Variants in PXDN observed in about 807,000 individuals in gnomAD.
PXDN encodes peroxidasin homolog.
In PXDN, 77 loss-of-function variants were observed where a neutral mutation model predicts 140.3. The ratio of observed to expected loss-of-function variants is 0.55; its 90% CI spans 0.46 to 0.66. The LOEUF is 0.66. Ranked by LOEUF, PXDN falls within the 30% of genes least tolerant of loss-of-function variation. The probability of loss-of-function intolerance (pLI) is 0.00; values close to 1 mark genes in which losing one functional copy is unlikely to be tolerated. For synonymous variants in PXDN, 911 were observed against 857.4 expected, an observed-to-expected ratio of 1.06 and a Z score of -1.09; for missense variants, 1,838 against 2,039.5, an observed-to-expected ratio of 0.90 and a Z score of 1.90.
chr2:1,731,909 G>C (rs1277224122), intron 1 of PXDN, among the ~76,000 whole-genome samples: 1 of 152,146 alleles, frequency 6.6e-6, no homozygotes, highest in East Asian at 1.9e-4. Context: ...AGAACACCAG[G>C]ATTGAGTCAT....
At position 1,728,230 on chromosome 2, in the gene PXDN, A is replaced by G. The variant is rs1365835997; in HGVS notation, c.200+16026T>C. On this transcript the variant is annotated intron_variant, in intron 1 of 22. Coordinates refer to ENST00000252804, the MANE Select transcript of PXDN (RefSeq NM_012293.3). The stretch of plus-strand genomic sequence containing the variant: ...TGGGATTACAAGCGTGAGCCACTGC[A>G]CCCAGCCAACTGTCCTGTTCTCAAC... Among the ~76,000 whole-genome samples, 7 of 152,256 alleles carry G rather than the reference A, an allele frequency of 4.6e-5. No homozygotes were observed. The East Asian group carries it at 1.2e-3, about 25-fold the overall frequency.
chr2:1,693,469 G>A (rs1394040231), intron 1 of PXDN, among the ~76,000 whole-genome samples: 1 of 152,244 alleles, frequency 6.6e-6, no homozygotes, highest in Non-Finnish European at 1.5e-5. Context: ...TAGGTTTGAT[G>A]ACATTCAAGA....
intron 1 of PXDN, among the ~76,000 whole-genome samples, chr2:1,727,993 T>G (rs1484329730): frequency 6.6e-6 from 1 of 152,178 alleles, no homozygotes; most frequent in Non-Finnish European, 1.5e-5. Context: ...TTGAGTGCAG[T>G]GATGCAATCA....
At chr2:1,726,287 A>C (rs1319552116) in intron 1 of PXDN, among the ~76,000 whole-genome samples, 1 of 151,756 alleles carries the variant, frequency 6.6e-6, no homozygotes, top group African/African-American at 2.4e-5. Flanking sequence ...AGGGACATGG[A>C]TGAAATTGGA....
chr2:1,691,371 T>C (rs111662727), intron 3 of PXDN, among the ~76,000 whole-genome samples: 3 of 152,302 alleles, frequency 2.0e-5, no homozygotes, highest in African/African-American at 4.8e-5. Flanking sequence ...GCAGAAGATA[T>C]GTTAAATGAA....
In PXDN at chr2:1,664,651, C is replaced by T. The variant is rs187873499; in HGVS notation, c.1408+307G>A. On this transcript the variant is annotated intron_variant, in intron 11 of 22. Coordinates refer to ENST00000252804, the MANE Select transcript of PXDN (RefSeq NM_012293.3). ...TTCAAGAGGCTACTTAAAAGCACAT[C>T]CTAGAGACTATCTGAAACAAGGCAG... 1.7e-4 allele frequency: 58 copies of T among 341,150 alleles called. 1 individual carries two copies. In the East Asian group the frequency reaches 2.8e-3, roughly 16 times the overall value. 21.1% of individuals were successfully genotyped at this position (341,150 alleles called of 1,614,324 possible). A position where few individuals can be genotyped will look rare whatever the true frequency, so the allele number is the denominator to read the frequency against.
chr2:1,649,784 C>T lies in PXDN; in HGVS notation c.2105-109G>A. On this transcript the variant is annotated intron_variant, in intron 16 of 22. Coordinates refer to ENST00000252804, the MANE Select transcript of PXDN (RefSeq NM_012293.3). The surrounding 1 kb of genome is among the most constrained non-coding windows in gnomAD (Gnocchi z 7.1). ...GACATGGGGCTATCTACCCCCAGCTCATGAAACCTGTTGTGCGCCATGCAA... is the reference window on the plus strand; with the variant it reads ...GACATGGGGCTATCTACCCCCAGCTTATGAAACCTGTTGTGCGCCATGCAA... 1 of 1,279,794 alleles carries T rather than the reference C, an allele frequency of 7.8e-7. No homozygotes were observed. Among genetic ancestry groups the T allele is most frequent in the East Asian group, 2.4e-5 (1 of 41,310 alleles). 79.3% of individuals were successfully genotyped at this position (1,279,794 alleles called of 1,614,324 possible). A position where few individuals can be genotyped will look rare whatever the true frequency, so the allele number is the denominator to read the frequency against.
intron 1 of PXDN, among the ~76,000 whole-genome samples, chr2:1,701,283 T>C (rs773102172): frequency 4.6e-5 from 7 of 152,220 alleles, no homozygotes; most frequent in Non-Finnish European, 8.8e-5. Context: ...AGTACATCCA[T>C]GCACTTGGGG....
chr2:1,700,286 T>G (rs1684394314), intron 1 of PXDN, among the ~76,000 whole-genome samples: 1 of 152,140 alleles, frequency 6.6e-6, no homozygotes, highest in African/African-American at 2.4e-5. Flanking sequence ...GGTCTCCAAC[T>G]CCTGACCTCA....
At chr2:1,680,111 G>A (rs1683854688) in intron 7 of PXDN, 82 bp downstream of exon 7, 2 of 1,433,514 alleles carry the variant, frequency 1.4e-6, no homozygotes, top group South Asian at 1.4e-5. Flanking sequence ...TGGATGTTGT[G>A]TGTGTAGATG....
At chr2:1,696,257 A>G (rs1345239183) in intron 1 of PXDN, among the ~76,000 whole-genome samples, 1 of 152,240 alleles carries the variant, frequency 6.6e-6, no homozygotes. Flanking sequence ...TAAATGACAT[A>G]AGTAGTTCTC....
intron 13 of PXDN, among the ~76,000 whole-genome samples, chr2:1,661,536 GGGATGCAGGTGGA>G (rs6146592): frequency 0.25 from 38,459 of 152,016 alleles, 5,122 homozygotes; most frequent in South Asian, 0.37. Context: ...GGGCAGTGCA[GGGATGCAGGTGGA>G]GGATGGGACC....
intron 17 of PXDN, among the ~76,000 whole-genome samples, chr2:1,646,599 T>G (rs1299435479): frequency 6.6e-6 from 1 of 152,222 alleles, no homozygotes; most frequent in Non-Finnish European, 1.5e-5. Context: ...GACATCATGT[T>G]CATTTAGTCA....
intron 1 of PXDN, among the ~76,000 whole-genome samples, chr2:1,741,376 C>T (rs1685539578): frequency 6.6e-6 from 1 of 152,136 alleles, no homozygotes; most frequent in South Asian, 2.1e-4. Flanking sequence ...AGAGGGGAGG[C>T]GCTCTGCAGG....
intron 18 of PXDN, 34 bp downstream of exon 18, chr2:1,644,584 G>A: frequency 6.4e-7 from 1 of 1,559,664 alleles, no homozygotes; most frequent in Non-Finnish European, 8.7e-7. Flanking sequence ...AGGTGGCTTA[G>A]GAGCGTGCTC....
intron 2 of PXDN, among the ~76,000 whole-genome samples, chr2:1,692,831 G>C (rs961414858): frequency 6.6e-6 from 1 of 152,174 alleles, no homozygotes; most frequent in Non-Finnish European, 1.5e-5. Flanking sequence ...CGGTCAGCAT[G>C]GGTCCCAATC....
At position 1,663,873 on chromosome 2, in the gene PXDN, G is replaced by A. The variant is rs564951670; in HGVS notation, c.1409-110C>T. On this transcript the variant is annotated intron_variant, in intron 11 of 22. Coordinates refer to ENST00000252804, the MANE Select transcript of PXDN (RefSeq NM_012293.3). Reference sequence around the variant, plus strand: ...TTGTCTCCACCTGGGTCGGGGCGCCGGATAATTTGGCCTGGCCCTGCATAA... The same window carrying A: ...TTGTCTCCACCTGGGTCGGGGCGCCAGATAATTTGGCCTGGCCCTGCATAA... The A allele has an allele frequency of 6.7e-5, 94 of 1,408,636 alleles. 1 individual carries two copies. The highest frequency in any genetic ancestry group is 2.8e-4 in the African/African-American group (20 of 70,792). 87.3% of individuals were successfully genotyped at this position (1,408,636 alleles called of 1,614,324 possible). A position where few individuals can be genotyped will look rare whatever the true frequency, so the allele number is the denominator to read the frequency against.
At chr2:1,658,027 GC>G (rs1683192184) in intron 14 of PXDN, among the ~76,000 whole-genome samples, 2 of 4,896 alleles carry the variant, frequency 4.1e-4, no homozygotes, top group African/African-American at 5.6e-4. Context: ...TCAGCTGTGG[GC>G]TCTCTCTCTC....
chr2:1,731,152 G>GCGCGCA (rs1553371240), intron 1 of PXDN, among the ~76,000 whole-genome samples: 20 of 135,968 alleles, frequency 1.5e-4, no homozygotes, highest in African/African-American at 4.4e-4. Context: ...GAGCGCGCGC[G>GCGCGCA]CACACACACA....
Sources: allele counts gnomAD v4.1 joint callset (sites outside exome capture counted in the v4.1 genomes callset), GRCh38; gene constraint gnomAD v4.1.1; non-coding constraint Gnocchi (gnomAD v3.1); transcripts MANE v1.5; gene names NCBI Gene and HGNC (gene_info 2026-07-23, HGNC 2026-07-21).